Variants in DTNA observed in about 807,000 individuals in gnomAD.
DTNA encodes the protein dystrophin-related protein 3.
In DTNA, 43 loss-of-function variants were observed where a neutral mutation model predicts 100.7. The ratio of observed to expected loss-of-function variants is 0.43; its 90% CI spans 0.33 to 0.55. The LOEUF (loss-of-function observed/expected upper bound fraction) is 0.55. Ranked by LOEUF, DTNA falls within the 20% of genes least tolerant of loss-of-function variation. The pLI, the probability that DTNA is intolerant of heterozygous loss-of-function variation, is 0.04. For synonymous variants in DTNA, 349 were observed against 347.9 expected, an observed-to-expected ratio of 1.00 and a Z score of -0.04; for missense variants, 798 against 953.9, an observed-to-expected ratio of 0.84 and a Z score of 2.15.
intron 15 of DTNA, among the ~76,000 whole-genome samples, chr18:34,853,869 C>T (rs113505627): frequency 0.014 from 2,071 of 152,178 alleles, 29 homozygotes; most frequent in African/African-American, 0.048. Flanking sequence ...ATATCTACTA[C>T]GTGCAAGTAA....
At chr18:34,637,977 T>C (rs962883904) in intron 1 of DTNA, among the ~76,000 whole-genome samples, 3 of 152,240 alleles carry the variant, frequency 2.0e-5, no homozygotes, top group African/African-American at 7.2e-5. Context: ...CCTCTTCACA[T>C]TGGAAAGAGT....
chr18:34,529,156 G>A (rs544619192), intron 1 of DTNA, among the ~76,000 whole-genome samples: 33 of 152,122 alleles, frequency 2.2e-4, no homozygotes, highest in Non-Finnish European at 2.1e-4. Context: ...TTTGAGCAAC[G>A]GAACCCATTC....
At chr18:34,868,118 G>C (rs1237527745) in intron 17 of DTNA, 1 of 607,764 alleles carries the variant, frequency 1.6e-6, no homozygotes, top group African/African-American at 2.1e-5. Flanking sequence ...AATCTTAAGG[G>C]ACAAGGATGT....
rs1347360525 is a variant in DTNA at position 34,851,825 on chromosome 18, T to C, written c.1435-6T>C. The C allele has an allele frequency of 6.2e-7, 1 of 1,613,900 alleles. No individual in the cohort carries two copies. The highest frequency in any genetic ancestry group is 1.1e-5 in the South Asian group (1 of 91,078). On this transcript the variant is annotated splice_polypyrimidine_tract_variant and splice_region_variant and intron_variant, in intron 14 of 22. Coordinates refer to ENST00000444659, the MANE Select transcript of DTNA (RefSeq NM_001386795.1). ...TATGAAATCTTATAAACTACATATT[T>C]TACAGCAGCCACCTCAGCAGAGAAG...
intron 3 of DTNA, among the ~76,000 whole-genome samples, chr18:34,766,751 T>C (rs1321659404): frequency 6.6e-6 from 1 of 152,240 alleles, no homozygotes; most frequent in African/African-American, 2.4e-5. Flanking sequence ...ATTTGTATTT[T>C]CTTTTACAAG....
At chr18:34,728,152 C>T (rs2087180174) in intron 1 of DTNA, among the ~76,000 whole-genome samples, 1 of 152,052 alleles carries the variant, frequency 6.6e-6, no homozygotes, top group African/African-American at 2.4e-5. Flanking sequence ...AATGCAGCTA[C>T]GTATAGAAGA....
At chr18:34,866,608 C>G (rs1381485425) in intron 17 of DTNA, 1 of 1,009,518 alleles carries the variant, frequency 9.9e-7, no homozygotes, top group African/African-American at 1.7e-5. Context: ...ACCTGTGAAA[C>G]CTCTTTTTAT....
intron 3 of DTNA, among the ~76,000 whole-genome samples, chr18:34,791,412 C>A (rs1290660779): frequency 1.3e-5 from 2 of 152,146 alleles, no homozygotes; most frequent in African/African-American, 4.8e-5. Flanking sequence ...TTGCATCCTG[C>A]ACCCAGACAC....
At chr18:34,854,307 C>T (rs529874621) in intron 15 of DTNA, among the ~76,000 whole-genome samples, 24 of 152,318 alleles carry the variant, frequency 1.6e-4, no homozygotes, top group Admixed American at 3.9e-4. Flanking sequence ...CAAAATATTA[C>T]GGTTGATAAC....
intron 1 of DTNA, among the ~76,000 whole-genome samples, chr18:34,534,736 A>G (rs934660085): frequency 6.6e-5 from 10 of 151,946 alleles, no homozygotes; most frequent in East Asian, 3.9e-4. Flanking sequence ...GAGTGAGAAT[A>G]TGAGTGTTTG....
chr18:34,581,764 C>T (rs1336690188), intron 1 of DTNA, among the ~76,000 whole-genome samples: 1 of 151,826 alleles, frequency 6.6e-6, no homozygotes, highest in African/African-American at 2.4e-5. Flanking sequence ...GCTGGGACTA[C>T]AGGTGCACAC....
chr18:34,819,896 A>G (rs1485280515), intron 8 of DTNA, among the ~76,000 whole-genome samples: 1 of 151,854 alleles, frequency 6.6e-6, no homozygotes, highest in East Asian at 1.9e-4. Context: ...AAAGAAAGTG[A>G]CAAAATTTGA....
At chr18:34,501,690 G>A (rs1461992404) in intron 1 of DTNA, among the ~76,000 whole-genome samples, 2 of 152,124 alleles carry the variant, frequency 1.3e-5, no homozygotes, top group East Asian at 1.9e-4. Context: ...ACCACAGACT[G>A]GGTGGCTTAA....
chr18:34,742,629 T>TTCTATTATCTATCTAGATAAATAGATAA (rs2090878360), intron 1 of DTNA, among the ~76,000 whole-genome samples: 1 of 137,690 alleles, frequency 7.3e-6, no homozygotes, highest in African/African-American at 2.8e-5. Flanking sequence ...TCTGATTATC[T>TTCTATTATCTATCTAGATAAATAGATAA]TCTATTATCT....
chr18:34,863,867 A>G, intron 16 of DTNA, 99 bp from the exon 17 acceptor site: 2 of 1,146,932 alleles, frequency 1.7e-6, no homozygotes, highest in Non-Finnish European at 2.5e-6. Context: ...AGACCCAGAG[A>G]TGCCCTTTTT....
At chr18:34,826,308 G>A (rs945709670) in intron 9 of DTNA, among the ~76,000 whole-genome samples, 1 of 152,066 alleles carries the variant, frequency 6.6e-6, no homozygotes, top group Non-Finnish European at 1.5e-5. Context: ...GGTGATTTGT[G>A]AGATTTTGGT....
intron 1 of DTNA, among the ~76,000 whole-genome samples, chr18:34,609,645 A>G (rs952640910): frequency 3.3e-5 from 5 of 152,082 alleles, no homozygotes; most frequent in Non-Finnish European, 5.9e-5. Context: ...GTTTTGACTC[A>G]TACCTTTGCA....
At chr18:34,712,830 T>C (rs1053327151) in intron 1 of DTNA, among the ~76,000 whole-genome samples, 1 of 152,094 alleles carries the variant, frequency 6.6e-6, no homozygotes, top group African/African-American at 2.4e-5. Flanking sequence ...AACATTTACC[T>C]CTACTAAGGA....
chr18:34,619,053 G>A (rs951715997), intron 1 of DTNA, among the ~76,000 whole-genome samples: 23 of 152,140 alleles, frequency 1.5e-4, no homozygotes, highest in African/African-American at 4.1e-4. Flanking sequence ...GCAGATTTGC[G>A]TTTGTGTGTG....
Sources: allele counts gnomAD v4.1 joint callset (sites outside exome capture counted in the v4.1 genomes callset), GRCh38; gene constraint gnomAD v4.1.1; transcripts MANE v1.5; gene names NCBI Gene and HGNC (gene_info 2026-07-23, HGNC 2026-07-21).